The following SALL1 variants were observed in gnomAD, a reference collection of about 807,000 sequenced individuals.
The protein encoded by SALL1 is sal-like protein 1.
SALL1 carries 10 observed loss-of-function variants against 73.1 expected under a neutral mutation model. The observed-to-expected ratio is 0.14, with a 90% CI of 0.08 to 0.23. The LOEUF is 0.23. Ranked by LOEUF, SALL1 falls within the 10% of genes least tolerant of loss-of-function variation. The pLI is 1.00. For missense variants in SALL1, 1,520 were observed against 1,697.3 expected (o/e 0.90, Z 1.84); for synonymous variants, 688 against 689.8 (o/e 1.00, Z 0.04).
intron 1 of SALL1, 104 bp downstream of exon 1, chr16:51,151,062 C>T (rs912714602): frequency 2.6e-5 from 17 of 660,618 alleles, no homozygotes; most frequent in Non-Finnish European, 4.0e-5. Context: ...GCCGCGGCGG[C>T]GGTGAGGTAG....
chr16:51,140,917 G>C lies in SALL1; in HGVS notation c.1305C>G (p.Ala435=). Residue 435 remains alanine (A), a synonymous_variant, in exon 2 of 3, where the codon GCC becomes GCG. Transcript: ENST00000251020. The surrounding 1 kb of genome is among the most constrained non-coding windows in gnomAD (Gnocchi z 5.7). Reference sequence around the variant, plus strand: ...CATCGGAAGTACTTTTCGCTTCAAAGGCAGTGACATTTGGTGGCTTGCTTT... The same window carrying C: ...CATCGGAAGTACTTTTCGCTTCAAACGCAGTGACATTTGGTGGCTTGCTTT... The part of the protein sequence containing the change: ...QRKSKPPNVT[A]FEAKSTSDEA... 1 of 1,614,250 alleles carries C rather than the reference G, an allele frequency of 6.2e-7. No individual in the cohort carries two copies. The highest frequency in any genetic ancestry group is 8.5e-7 in the Non-Finnish European group (1 of 1,180,050).
intron 2 of SALL1, among the ~76,000 whole-genome samples, chr16:51,137,775 G>A (rs549462056): frequency 1.3e-5 from 2 of 152,292 alleles, no homozygotes; most frequent in South Asian, 4.1e-4. Context: ...GCAGCCCTGG[G>A]CTGTCTCCCC....
chr16:51,149,496 C>A (rs1962564832), intron 1 of SALL1: 1 of 152,148 alleles, frequency 6.6e-6, no homozygotes, highest in African/African-American at 2.4e-5. Flanking sequence ...GGTCATCTCA[C>A]CTCCATCTAC....
rs1273770690 is a variant in SALL1, at chr16:51,141,870, C to T, written c.352G>A (p.Gly118Arg). ...TCCATGGACTCTTCCCTGTCAAGTC[C>T]GTTGTGTTCTGAAAGGTCGCTGCAG... ...VDCSDLSEHNGLDREESMEVE... is the reference protein window; with the variant it reads ...VDCSDLSEHNRLDREESMEVE... Residue 118 changes from glycine to arginine, a missense_variant, in exon 2 of 3, where the codon GGA (glycine) becomes AGA (arginine). Around this residue, in one of 7 missense-constraint regions of SALL1, gnomAD observed 540 missense variants for 567.5 expected, o/e 0.95. Transcript: ENST00000251020. This position sits in a 1 kb window ranked among gnomAD's most constrained non-coding sequence, Gnocchi z 5.4. The T allele has an allele frequency of 1.9e-6, 3 of 1,613,392 alleles. No individual in the cohort carries two copies. Among genetic ancestry groups the T allele is most frequent in the Non-Finnish European group, 2.5e-6 (3 of 1,180,008 alleles).
At chr16:51,144,916 A>G (rs529444640) in intron 1 of SALL1, among the ~76,000 whole-genome samples, 1 of 152,222 alleles carries the variant, frequency 6.6e-6, no homozygotes. Flanking sequence ...ATAAGCTGAC[A>G]TTTGATCTCA....
chr16:51,142,764 G>A (rs1056634950), intron 1 of SALL1, among the ~76,000 whole-genome samples: 1 of 152,088 alleles, frequency 6.6e-6, no homozygotes, highest in Non-Finnish European at 1.5e-5. Context: ...CCTCCAGACC[G>A]TTCCTCAAAA....
In SALL1 at chr16:51,139,419, T is replaced by A. The variant is rs779974242; in HGVS notation, c.2803A>T (p.Thr935Ser). 1.2e-5 allele frequency: 19 copies of A among 1,614,010 alleles called. No homozygotes were observed. The highest frequency in any genetic ancestry group is 1.6e-5 in the Non-Finnish European group (19 of 1,180,038). ...SMQALSPSNS[T>S]QEFHKSPSIE... is the part of the protein sequence containing the mutation. ...CTGGGTGACTTGTGGAACTCCTGCGTGCTGTTGGACGGGGACAGAGCCTGC... is the reference window on the plus strand; with the variant it reads ...CTGGGTGACTTGTGGAACTCCTGCGAGCTGTTGGACGGGGACAGAGCCTGC... The change falls in exon 2 of 3, where the codon ACG (threonine) becomes TCG (serine). Residue 935 changes from threonine (T) to serine (S), a missense_variant. Thr to Ser is a moderately conservative substitution (Grantham distance 58). This residue lies in a region of SALL1 where 266 missense variants were observed against 275.1 expected (regional missense o/e 0.97). Transcript: ENST00000251020.
chr16:51,141,163 AGAG>A lies in SALL1; in HGVS notation c.1056_1058del (p.Ser353del). ...CCCCAGCACTTGAAGCCACTTTTTC[AGAG>A]GACGGGGTGGTAACTGCCGCTGCCA... On this transcript the variant is annotated inframe_deletion, in exon 2 of 3. Coordinates refer to ENST00000251020, the MANE Select transcript of SALL1 (RefSeq NM_002968.3). This position sits in a 1 kb window ranked among gnomAD's most constrained non-coding sequence, Gnocchi z 5.4. 6.2e-7 allele frequency: 1 copy of A among 1,614,240 alleles called. No homozygotes were observed. Among genetic ancestry groups the A allele is most frequent in the Non-Finnish European group, 8.5e-7 (1 of 1,180,054 alleles).
chr16:51,137,596 GAAAAAAA>G, intron 2 of SALL1, 44 bp from the exon 3 acceptor site: 4 of 1,331,262 alleles, frequency 3.0e-6, no homozygotes, highest in South Asian at 1.3e-5. Context: ...GAGAGAGAGA[GAAAAAAA>G]AGAGGAGGGG....
intron 2 of SALL1, 111 bp downstream of exon 2, chr16:51,138,577 G>C: frequency 5.1e-6 from 7 of 1,376,836 alleles, no homozygotes; most frequent in Non-Finnish European, 6.9e-6. Context: ...CCTTGCAAGA[G>C]CTCTCTCCCT....
At position 51,144,066 on chromosome 16, in the gene SALL1, T is replaced by C. The variant is rs533186374; in HGVS notation, c.77-1921A>G. Among the ~76,000 whole-genome samples the C allele has an allele frequency of 3.3e-5, 5 of 152,292 alleles. No individual in the cohort carries two copies. In the East Asian group the frequency reaches 9.6e-4, roughly 29 times the overall value. Reference sequence around the variant, plus strand: ...AAAATCATATAAACAAAATATTAGATGAAATTTGCTGAAGTTATATTGCTT... The same window carrying C: ...AAAATCATATAAACAAAATATTAGACGAAATTTGCTGAAGTTATATTGCTT... On this transcript the variant is annotated intron_variant, in intron 1 of 2. Coordinates refer to ENST00000251020, the MANE Select transcript of SALL1 (RefSeq NM_002968.3).
chr16:51,139,795 G>A lies in SALL1; in HGVS notation c.2427C>T (p.Asp809=). 6.2e-7 allele frequency: 1 copy of A among 1,614,184 alleles called. No homozygotes were observed. The highest frequency in any genetic ancestry group is 8.5e-7 in the Non-Finnish European group (1 of 1,180,034). The part of the protein sequence containing the change: ...PDSYSESMES[D]TGSFDEKNFD... ...AATTTTTCTCATCAAAGGAACCTGTGTCAGACTCCATGGACTCAGAGTAGC... is the reference window on the plus strand; with the variant it reads ...AATTTTTCTCATCAAAGGAACCTGTATCAGACTCCATGGACTCAGAGTAGC... Residue 809 remains aspartate (D), a synonymous_variant, in exon 2 of 3, where the codon GAC becomes GAT. Coordinates refer to ENST00000251020, the MANE Select transcript of SALL1 (RefSeq NM_002968.3).
upstream of SALL1, among the ~76,000 whole-genome samples, chr16:51,151,723 T>C: frequency 6.8e-6 from 1 of 146,970 alleles, no homozygotes; most frequent in African/African-American, 2.5e-5. Flanking sequence ...CCCTCTCCCC[T>C]CCCTCTTCCC....
chr16:51,150,889 C>T lies in SALL1; in HGVS notation c.76+277G>A, dbSNP rs1432804273. Reference sequence around the variant, plus strand: ...AAAAGCAGGGACGGAGAAGCCAGGCCGGCATGCCCGCCCTCCTTCCCCCGG... The same window carrying T: ...AAAAGCAGGGACGGAGAAGCCAGGCTGGCATGCCCGCCCTCCTTCCCCCGG... On this transcript the variant is annotated intron_variant, in intron 1 of 2. Transcript: ENST00000251020. 3 of 357,294 alleles carry T rather than the reference C, an allele frequency of 8.4e-6. No homozygotes were observed. The East Asian group carries it at 1.2e-4, about 15-fold the overall frequency. The allele number at this position is 357,294 out of a possible 1,614,324, so 22.1% of individuals were successfully genotyped here. A position where few individuals can be genotyped will look rare whatever the true frequency, so the allele number is the denominator to read the frequency against.
intron 1 of SALL1, among the ~76,000 whole-genome samples, chr16:51,146,428 C>A (rs532547207): frequency 6.6e-6 from 1 of 152,004 alleles, no homozygotes; most frequent in African/African-American, 2.4e-5. Flanking sequence ...ATTGCAGTGA[C>A]GCGTAAAAAA....
At chr16:51,138,385 C>T (rs1013119871) in intron 2 of SALL1, among the ~76,000 whole-genome samples, 3 of 151,918 alleles carry the variant, frequency 2.0e-5, no homozygotes, top group Admixed American at 2.0e-4. Context: ...GTAGGTAAAG[C>T]AATTCATTTG....
rs1962448543 is a variant in SALL1 at position 51,142,006 on chromosome 16, T to C, written c.216A>G (p.Leu72=). 1.2e-6 allele frequency: 2 copies of C among 1,613,984 alleles called. No homozygotes were observed. Among genetic ancestry groups the C allele is most frequent in the African/African-American group, 2.7e-5 (2 of 74,932 alleles). Residue 72 remains leucine, a synonymous_variant, in exon 2 of 3, where the codon TTA becomes TTG. Transcript: ENST00000251020. Reference sequence around the variant, plus strand: ...GGGAGGCTGGATTTTCATTTACGATTAAAACTAATTGATTTTTAGTACAGT... The same window carrying C: ...GGGAGGCTGGATTTTCATTTACGATCAAAACTAATTGATTTTTAGTACAGT... ...KKNCTKNQLV[L]IVNENPASPP...
At chr16:51,150,941 C>T (rs1191725879) in intron 1 of SALL1, 2 of 408,246 alleles carry the variant, frequency 4.9e-6, no homozygotes, top group Admixed American at 4.2e-5. Flanking sequence ...CGGAAAGATC[C>T]TGCCGGGAGA....
intron 1 of SALL1, among the ~76,000 whole-genome samples, chr16:51,144,967 AC>A (rs1427624222): frequency 6.6e-6 from 1 of 151,936 alleles, no homozygotes; most frequent in Non-Finnish European, 1.5e-5. Flanking sequence ...GTTTATGAAC[AC>A]CCCCACATCC....
Sources: gnomAD v4.1 joint callset for allele counts (sites outside exome capture counted in the v4.1 genomes callset) on GRCh38, gnomAD v4.1.1 for gene constraint, gnomAD v4.1.1 regional missense constraint, Gnocchi (gnomAD v3.1) non-coding constraint, MANE v1.5 for transcripts, NCBI Gene and HGNC (gene_info 2026-07-23, HGNC 2026-07-21) for gene names.